Variants in PCDH19 observed in about 807,000 individuals in gnomAD.
PCDH19 encodes the protein protocadherin 19.
PCDH19 carries 6 observed loss-of-function variants against 46.2 expected under a neutral mutation model. The observed-to-expected ratio is 0.13, with a 90% CI of 0.07 to 0.26. The LOEUF (loss-of-function observed/expected upper bound fraction) is 0.26. PCDH19 is among the 10% of genes least tolerant of loss of function. The pLI, the probability that PCDH19 is intolerant of heterozygous loss-of-function variation, is 1.00. For missense variants in PCDH19, 740 were observed against 972.3 expected, an observed-to-expected ratio of 0.76 and a Z score of 3.18; for synonymous variants, 481 against 415.7, an observed-to-expected ratio of 1.16 and a Z score of -1.91.
At chrX:100,304,950 AT>A (rs1924894522) in intron 5 of PCDH19, among the ~76,000 whole-genome samples, 1 of 112,468 alleles carries the variant, frequency 8.9e-6, no homozygotes, top group African/African-American at 3.2e-5. Context: ...CCAAAGAATA[AT>A]GGGTGTTCCC....
At chrX:100,320,031 G>C (rs1434195679) in intron 5 of PCDH19, among the ~76,000 whole-genome samples, 1 of 111,621 alleles carries the variant, frequency 9.0e-6, no homozygotes, top group Non-Finnish European at 1.9e-5. Context: ...AAGCCTAAAA[G>C]AAGGAATAAG....
intron 3 of PCDH19, among the ~76,000 whole-genome samples, chrX:100,394,098 C>T (rs1927947753): frequency 9.0e-6 from 1 of 111,531 alleles, no homozygotes; most frequent in Non-Finnish European, 1.9e-5. Flanking sequence ...ACCCGGGAGG[C>T]AGAGGTTGCA....
chrX:100,333,161 GGAAGGAAGGA>G (rs1392114524), intron 5 of PCDH19, among the ~76,000 whole-genome samples: 2,003 of 55,731 alleles, frequency 0.036, 46 homozygotes, highest in Non-Finnish European at 0.053. Flanking sequence ...AAGGAAGGAA[GGAAGGAAGGA>G]AGGGAGAGAG....
At chrX:100,312,611 C>CATCA (rs925083395) in intron 5 of PCDH19, among the ~76,000 whole-genome samples, 11 of 111,631 alleles carry the variant, frequency 9.9e-5, no homozygotes, top group Non-Finnish European at 2.1e-4. Flanking sequence ...GCTAATTGAT[C>CATCA]TATTGTTTGA....
intron 3 of PCDH19, among the ~76,000 whole-genome samples, chrX:100,378,129 T>C: frequency 8.9e-6 from 1 of 112,776 alleles, no homozygotes. Context: ...TGGGCTCAAC[T>C]CCCAATCCTG....
chrX:100,403,772 C>T (rs1278470895), intron 1 of PCDH19, 108 bp from the exon 2 acceptor site: 2 of 633,689 alleles, frequency 3.2e-6, no homozygotes, highest in South Asian at 6.7e-5. Flanking sequence ...TTAATTAACA[C>T]TGACACAGAC....
intron 3 of PCDH19, among the ~76,000 whole-genome samples, chrX:100,355,601 T>C (rs1030017244): frequency 1.8e-5 from 2 of 111,758 alleles, no homozygotes; most frequent in African/African-American, 3.3e-5. Flanking sequence ...ACAGCTGAGA[T>C]GTTGCGCTCC....
chrX:100,351,543 G>C (rs1207784240), intron 3 of PCDH19, among the ~76,000 whole-genome samples: 1 of 112,238 alleles, frequency 8.9e-6, no homozygotes, highest in Non-Finnish European at 1.9e-5. Context: ...TAAAGTAACT[G>C]AATGTCCTAG....
At chrX:100,301,495 G>C (rs1374113684) in intron 5 of PCDH19, among the ~76,000 whole-genome samples, 1 of 112,240 alleles carries the variant, frequency 8.9e-6, no homozygotes, top group African/African-American at 3.2e-5. Flanking sequence ...TCCAGTTCCT[G>C]AGAGCTCAAG....
intron 3 of PCDH19, among the ~76,000 whole-genome samples, chrX:100,382,486 T>C (rs1396060569): frequency 8.9e-6 from 1 of 112,174 alleles, no homozygotes; most frequent in African/African-American, 3.2e-5. Context: ...TAAAATTCAT[T>C]TGTAAGTCAC....
intron 1 of PCDH19, among the ~76,000 whole-genome samples, chrX:100,405,936 C>T (rs1928332492): frequency 9.0e-6 from 1 of 110,998 alleles, no homozygotes; most frequent in African/African-American, 3.3e-5. Flanking sequence ...GTTCTCTCCT[C>T]CCCCTCATCT....
At position 100,345,446 on chromosome X, in the gene PCDH19, G is replaced by A. The variant is rs376234570; in HGVS notation, c.2676-3371C>T. Among the ~76,000 whole-genome samples, 4 of 111,483 alleles carry A rather than the reference G, an allele frequency of 3.6e-5. No individual in the cohort carries two copies. In the East Asian group the frequency reaches 8.5e-4, roughly 24 times the overall value. Reference sequence around the variant, plus strand: ...AATAATTAAAACTATATCACTTGGTGTACTTACTGCTTTGTCTTCACTTCT... The same window carrying A: ...AATAATTAAAACTATATCACTTGGTATACTTACTGCTTTGTCTTCACTTCT... On this transcript the variant is annotated intron_variant, in intron 4 of 5. Coordinates refer to ENST00000373034, the MANE Select transcript of PCDH19 (RefSeq NM_001184880.2).
intron 3 of PCDH19, among the ~76,000 whole-genome samples, chrX:100,374,332 C>T (rs1028294977): frequency 2.7e-5 from 3 of 112,020 alleles, no homozygotes; most frequent in African/African-American, 9.8e-5. Context: ...ATAATTAGTG[C>T]TACTGTGCCA....
chrX:100,378,559 T>C (rs1311639084), intron 3 of PCDH19, among the ~76,000 whole-genome samples: 4 of 112,344 alleles, frequency 3.6e-5, no homozygotes, highest in African/African-American at 1.3e-4. Flanking sequence ...TGCCTGTTCT[T>C]CATGTGTAGT....
chrX:100,407,158 G>C lies in PCDH19; in HGVS notation c.1440C>G (p.Pro480=). ...AYLLSVSARD[P]DLGLNGSVSY... ...AGACACTGCCGTTGAGACCCAGGTCGGGGTCGCGAGCAGACACAGAGAGCA... is the reference window on the plus strand; with the variant it reads ...AGACACTGCCGTTGAGACCCAGGTCCGGGTCGCGAGCAGACACAGAGAGCA... The change falls in exon 1 of 6, where the codon CCC becomes CCG. Residue 480 remains proline (P), a synonymous_variant. Coordinates refer to ENST00000373034, the MANE Select transcript of PCDH19 (RefSeq NM_001184880.2). The C allele has an allele frequency of 8.3e-7, 1 of 1,211,830 alleles. No individual in the cohort carries two copies. The highest frequency in any genetic ancestry group is 1.1e-6 in the Non-Finnish European group (1 of 895,482).
chrX:100,341,175 A>G (rs1208527517), intron 5 of PCDH19, among the ~76,000 whole-genome samples: 1 of 112,260 alleles, frequency 8.9e-6, no homozygotes, highest in Non-Finnish European at 1.9e-5. Flanking sequence ...GTGCCTCTCG[A>G]TAAAGCATGT....
At chrX:100,382,098 T>C (rs1420987613) in intron 3 of PCDH19, among the ~76,000 whole-genome samples, 4 of 108,665 alleles carry the variant, frequency 3.7e-5, no homozygotes, top group Non-Finnish European at 5.7e-5. Context: ...AAAAAAGAAA[T>C]AGACACAACC....
intron 3 of PCDH19, among the ~76,000 whole-genome samples, chrX:100,365,681 A>G (rs1470346856): frequency 9.0e-6 from 1 of 111,522 alleles, no homozygotes; most frequent in Non-Finnish European, 1.9e-5. Flanking sequence ...GAGTTCATCT[A>G]ATCTATTATC....
At chrX:100,327,526 G>T (rs1925732118) in intron 5 of PCDH19, among the ~76,000 whole-genome samples, 1 of 111,978 alleles carries the variant, frequency 8.9e-6, no homozygotes, top group African/African-American at 3.2e-5. Flanking sequence ...ATTAGTTGGA[G>T]CCTGAAGTGA....
Sources: allele counts gnomAD v4.1 joint callset (sites outside exome capture counted in the v4.1 genomes callset), GRCh38; gene constraint gnomAD v4.1.1; transcripts MANE v1.5; gene names NCBI Gene and HGNC (gene_info 2026-07-23, HGNC 2026-07-21).